CACNA2D3: variants seen among roughly 807,000 people sequenced by gnomAD.
CACNA2D3 encodes voltage-dependent calcium channel subunit alpha-2/delta-3.
In CACNA2D3, 60 loss-of-function variants were observed where a neutral mutation model predicts 160.6. That is an observed-to-expected ratio of 0.37 (90% CI 0.30 to 0.46). The LOEUF (loss-of-function observed/expected upper bound fraction) is 0.46, where lower values mean the gene tolerates loss of function less well. Ranked by LOEUF, CACNA2D3 falls within the 20% of genes least tolerant of loss-of-function variation. The pLI, the probability that CACNA2D3 is intolerant of heterozygous loss-of-function variation, is 1.00. For synonymous variants in CACNA2D3, 558 were observed against 492.9 expected (o/e 1.13, Z -1.75); for missense variants, 1,205 against 1,365.0 (o/e 0.88, Z 1.85).
intron 13 of CACNA2D3, among the ~76,000 whole-genome samples, chr3:54,816,145 G>A (rs1703446044): frequency 6.6e-6 from 1 of 152,098 alleles, no homozygotes. Context: ...CCTTTTCCTT[G>A]TTCTTAGAAC....
At chr3:54,590,660 T>C (rs1702841560) in intron 9 of CACNA2D3, among the ~76,000 whole-genome samples, 1 of 152,054 alleles carries the variant, frequency 6.6e-6, no homozygotes, top group Non-Finnish European at 1.5e-5. Flanking sequence ...TTGCCCAGGT[T>C]GGACTTGAGC....
chr3:54,518,870 T>C (rs772219165), intron 5 of CACNA2D3, among the ~76,000 whole-genome samples: 1 of 152,232 alleles, frequency 6.6e-6, no homozygotes, highest in African/African-American at 2.4e-5. Context: ...CCTATAAATA[T>C]GGATTCTGTA....
chr3:54,969,406 C>G (rs1412183199), intron 28 of CACNA2D3, among the ~76,000 whole-genome samples: 2 of 151,766 alleles, frequency 1.3e-5, no homozygotes, highest in African/African-American at 4.8e-5. Context: ...ATTACAGGTG[C>G]CTGCCACCAC....
chr3:54,949,755 G>T (rs965184154), intron 27 of CACNA2D3, among the ~76,000 whole-genome samples: 3 of 152,172 alleles, frequency 2.0e-5, no homozygotes, highest in African/African-American at 7.2e-5. Context: ...AAGTGACTGT[G>T]GTCTCTGCCA....
At chr3:54,816,923 A>G (rs564257960) in intron 14 of CACNA2D3, 53 bp downstream of exon 14, 5 of 1,590,196 alleles carry the variant, frequency 3.1e-6, no homozygotes, top group Non-Finnish European at 4.3e-6. Context: ...CGAGTCATGC[A>G]TGCCTCCATG....
At chr3:54,707,706 C>T (rs564465740) in intron 11 of CACNA2D3, among the ~76,000 whole-genome samples, 2 of 152,062 alleles carry the variant, frequency 1.3e-5, no homozygotes, top group Non-Finnish European at 2.9e-5. Flanking sequence ...CTTTTGCTGA[C>T]TGTTGAATTT....
At chr3:54,700,151 T>C (rs1700741958) in intron 11 of CACNA2D3, among the ~76,000 whole-genome samples, 3 of 152,214 alleles carry the variant, frequency 2.0e-5, no homozygotes, top group Non-Finnish European at 4.4e-5. Context: ...AAGTGATAGA[T>C]CCAGAATTTG....
intron 4 of CACNA2D3, among the ~76,000 whole-genome samples, chr3:54,443,128 A>C (rs1365249625): frequency 1.3e-5 from 2 of 152,214 alleles, no homozygotes; most frequent in African/African-American, 2.4e-5. Flanking sequence ...TAGCAAAGGG[A>C]AACTCTTGCA....
intron 2 of CACNA2D3, among the ~76,000 whole-genome samples, chr3:54,147,996 A>G (rs1700068564): frequency 6.6e-6 from 1 of 152,194 alleles, no homozygotes. Flanking sequence ...TAGTAGAGAC[A>G]GGGTTTCACC....
intron 18 of CACNA2D3, among the ~76,000 whole-genome samples, 181 bp downstream of exon 18, chr3:54,871,803 G>T (rs1882318): frequency 0.067 from 10,195 of 152,224 alleles, 601 homozygotes; most frequent in African/African-American, 0.16. Flanking sequence ...CAGCCGGTCA[G>T]TCGGACCAGT....
chr3:54,361,900 G>C (rs966291960), intron 3 of CACNA2D3, among the ~76,000 whole-genome samples: 1 of 152,176 alleles, frequency 6.6e-6, no homozygotes, highest in Non-Finnish European at 1.5e-5. Flanking sequence ...ATGCATGTGC[G>C]TGTGTGTCTG....
intron 2 of CACNA2D3, among the ~76,000 whole-genome samples, chr3:54,180,870 G>A (rs1009389162): frequency 3.3e-5 from 5 of 152,200 alleles, no homozygotes; most frequent in African/African-American, 9.6e-5. Context: ...GGTAAGGGCT[G>A]TGTCTTGCTC....
chr3:55,074,214 T>C lies in CACNA2D3; in HGVS notation c.*8T>C, dbSNP rs1443561020. ...ATGCTCTTCTCAAGGTGACACTGAC[T>C]GAGATGTTCTCTTACTGACTGAGAT... is the stretch of plus-strand genomic sequence containing the variant. On this transcript the variant is annotated 3_prime_UTR_variant, in exon 38 of 38. Coordinates refer to ENST00000474759, the MANE Select transcript of CACNA2D3 (RefSeq NM_018398.3). The C allele has an allele frequency of 9.8e-7, 1 of 1,019,224 alleles. No individual in the cohort carries two copies. Among genetic ancestry groups the C allele is most frequent in the East Asian group, 2.3e-5 (1 of 43,806 alleles). 63.1% of individuals were successfully genotyped at this position (1,019,224 alleles called of 1,614,324 possible).
At chr3:54,209,768 A>G (rs1701339462) in intron 2 of CACNA2D3, among the ~76,000 whole-genome samples, 1 of 152,224 alleles carries the variant, frequency 6.6e-6, no homozygotes. Context: ...TCTAAAGTAT[A>G]CGTTGGCTGT....
intron 3 of CACNA2D3, among the ~76,000 whole-genome samples, chr3:54,350,977 T>TTTG (rs1559457771): frequency 2.2e-5 from 1 of 45,964 alleles, no homozygotes; most frequent in East Asian, 4.4e-4. Flanking sequence ...TGTTTTTTTT[T>TTTG]TTTTGTTTGT....
At chr3:54,584,702 T>C (rs1702731298) in intron 9 of CACNA2D3, among the ~76,000 whole-genome samples, 1 of 152,028 alleles carries the variant, frequency 6.6e-6, no homozygotes, top group Non-Finnish European at 1.5e-5. Context: ...CCAAATAGAA[T>C]AAACCTATGT....
At chr3:54,684,772 G>A (rs1202141573) in intron 11 of CACNA2D3, among the ~76,000 whole-genome samples, 2 of 152,048 alleles carry the variant, frequency 1.3e-5, no homozygotes, top group Non-Finnish European at 2.9e-5. Flanking sequence ...AAAATCCCAT[G>A]TTAAGAAGTT....
intron 24 of CACNA2D3, among the ~76,000 whole-genome samples, chr3:54,889,430 G>A (rs538496501): frequency 1.5e-4 from 23 of 152,326 alleles, no homozygotes; most frequent in African/African-American, 5.1e-4. Context: ...AGGTCCACTT[G>A]TGGCTTGCTT....
At position 54,528,168 on chromosome 3, in the gene CACNA2D3, C is replaced by T. The variant is rs568283064; in HGVS notation, c.544+24514C>T. On this transcript the variant is annotated intron_variant, in intron 5 of 37. Coordinates refer to ENST00000474759, the MANE Select transcript of CACNA2D3 (RefSeq NM_018398.3). ...AGATGTTGGTGTGCAGCCAGGGTTA[C>T]GGTCACTACTGCAACATGAGTGAAA... Among the ~76,000 whole-genome samples, 30 of 151,970 alleles carry T rather than the reference C, an allele frequency of 2.0e-4. 1 individual carries two copies. The South Asian group carries it at 3.7e-3, about 19-fold the overall frequency.
Sources: allele counts gnomAD v4.1 joint callset (sites outside exome capture counted in the v4.1 genomes callset), GRCh38; gene constraint gnomAD v4.1.1; transcripts MANE v1.5; gene names NCBI Gene and HGNC (gene_info 2026-07-23, HGNC 2026-07-21).